The following ADGRB2 variants were observed in gnomAD, a reference collection of about 807,000 sequenced individuals.
ADGRB2 encodes adhesion G protein-coupled receptor B2, also known as brain-specific angiogenesis inhibitor 2.
In ADGRB2, 47 loss-of-function variants were observed where a neutral mutation model predicts 178.7. The ratio of observed to expected loss-of-function variants is 0.26; its 90% CI spans 0.21 to 0.34. ADGRB2 has a LOEUF of 0.34. Among genes scored for constraint, ADGRB2 ranks in the 10% least tolerant of loss-of-function variants. The pLI is 1.00. For missense variants in ADGRB2, 1,584 were observed against 2,180.8 expected (o/e 0.73, Z 5.45); for synonymous variants, 870 against 912.4 (o/e 0.95, Z 0.84).
rs1645357511 is a variant in ADGRB2 at position 31,732,747 on chromosome 1, C to T, written c.3625-135G>A. Reference sequence around the variant, plus strand: ...CATCCAACCTTGGGGAAGGTGATGACACCTGGGCAGGGTGCAACGGGAGGA... The same window carrying T: ...CATCCAACCTTGGGGAAGGTGATGATACCTGGGCAGGGTGCAACGGGAGGA... On this transcript the variant is annotated intron_variant, in intron 26 of 32. Transcript: ENST00000373658. 3 of 1,175,512 alleles carry T rather than the reference C, an allele frequency of 2.6e-6. No individual in the cohort carries two copies. The Admixed American group carries it at 6.2e-5, about 24-fold the overall frequency. 72.8% of individuals were successfully genotyped at this position (1,175,512 alleles called of 1,614,324 possible).
Position 31,727,570 on chromosome 1 carries a change from G to T in ADGRB2, c.4608C>A (p.Ser1536=). Residue 1536 remains serine (S), a synonymous_variant, in exon 33 of 33, where the codon TCC becomes TCA. Coordinates refer to ENST00000373658, the MANE Select transcript of ADGRB2 (RefSeq NM_001364857.2). This position sits in a 1 kb window ranked among gnomAD's most constrained non-coding sequence, Gnocchi z 4.4. ...TCCAGCTCTGATGGCGCCGATGTTG[G>T]GACAAGCTGGGGCGCTCCCCAGGGC... ...KPSPGERPSL[S]QHRRHQSWST... The T allele has an allele frequency of 3.8e-6, 6 of 1,567,710 alleles. No homozygotes were observed. Among genetic ancestry groups the T allele is most frequent in the Non-Finnish European group, 5.2e-6 (6 of 1,163,870 alleles).
In ADGRB2 at chr1:31,742,160, T is replaced by C. The variant is rs1646009195; in HGVS notation, c.1310A>G (p.Asn437Ser). The C allele has an allele frequency of 2.5e-6, 4 of 1,613,350 alleles. No homozygotes were observed. The highest frequency in any genetic ancestry group is 3.4e-6 in the Non-Finnish European group (4 of 1,179,874). The change falls in exon 8 of 33, where the codon AAT (asparagine) becomes AGT (serine). Residue 437 changes from asparagine (N) to serine (S), a missense_variant. Physicochemically the swap from Asn to Ser is conservative, Grantham distance 46 (BLOSUM62 1). Transcript: ENST00000373658. ...PWGPCSTSCA[N>S]GTQQRSRKCS... ...CTTCCGGCTGCGCTGTTGGGTCCCA[T>C]TGGCACAGGACGTGGAGCATGGGCC...
chr1:31,737,713 C>T lies in ADGRB2; in HGVS notation c.2815G>A (p.Gly939Ser), dbSNP rs1165585659. 10 of 1,613,694 alleles carry T rather than the reference C, an allele frequency of 6.2e-6. No homozygotes were observed. The highest frequency in any genetic ancestry group is 1.7e-5 in the Admixed American group (1 of 60,022). ...AGSPSVPLVI[G>S]CAVSCMALLT... ...AGCGCCATGCACGACACTGCACAGC[C>T]GATCACCAGGGGGACCGAGGGGGAG... The change falls in exon 19 of 33, where the codon GGC becomes AGC. Residue 939 changes from glycine to serine, a missense_variant. By Grantham distance (56) the Gly-to-Ser change is moderately conservative. This residue lies in a region of ADGRB2 where 865 missense variants were observed against 1,192.8 expected (regional missense o/e 0.73). Coordinates refer to ENST00000373658, the MANE Select transcript of ADGRB2 (RefSeq NM_001364857.2).
rs1038367036 is a variant in ADGRB2, at chr1:31,757,451, G to T, written c.-130C>A. The T allele has an allele frequency of 1.7e-6, 1 of 595,788 alleles. No individual in the cohort carries two copies. Among genetic ancestry groups the T allele is most frequent in the Non-Finnish European group, 3.0e-6 (1 of 333,346 alleles). 36.9% of individuals were successfully genotyped at this position (595,788 alleles called of 1,614,324 possible). A position where few individuals can be genotyped will look rare whatever the true frequency, so the allele number is the denominator to read the frequency against. On this transcript the variant is annotated 5_prime_UTR_variant, in exon 2 of 33. Coordinates refer to ENST00000373658, the MANE Select transcript of ADGRB2 (RefSeq NM_001364857.2). The stretch of plus-strand genomic sequence containing the variant: ...GTGCCAGGAACTGCGCACAACCTGA[G>T]CCATGCCCACAGGAGGGCACTGTCA...
rs543720715 is a variant in ADGRB2, at chr1:31,753,483, C to T, written c.838+2516G>A. On this transcript the variant is annotated intron_variant, in intron 4 of 32. Transcript: ENST00000373658. The surrounding 1 kb of genome is among the most constrained non-coding windows in gnomAD (Gnocchi z 4.1). ...CCCAAGCCCACCCTGCTAGGCCTCA[C>T]TGTGGATCTTCCTCGGGGGTGTCCC... 6.6e-6 allele frequency among the ~76,000 whole-genome samples: 1 copy of T among 152,358 alleles called. No individual in the cohort carries two copies. The highest frequency in any genetic ancestry group is 2.1e-4 in the South Asian group (1 of 4,832).
Position 31,733,552 on chromosome 1 carries a change from G to A in ADGRB2, c.3453-409C>T, listed in dbSNP as rs1205086923. On this transcript the variant is annotated intron_variant, in intron 25 of 32. Transcript: ENST00000373658. This position sits in a 1 kb window ranked among gnomAD's most constrained non-coding sequence, Gnocchi z 4.3. ...AGGCTGGGGAGGGGGACTGGAAGAG[G>A]GACAAAGCAACAACAACCACAGTGA... 6.6e-6 allele frequency among the ~76,000 whole-genome samples: 1 copy of A among 152,024 alleles called. No individual in the cohort carries two copies. Among genetic ancestry groups the A allele is most frequent in the African/African-American group, 2.4e-5 (1 of 41,302 alleles).
chr1:31,741,247 G>C lies in ADGRB2; in HGVS notation c.1794+126C>G. 1.0e-6 allele frequency: 1 copy of C among 961,506 alleles called. No individual in the cohort carries two copies. The highest frequency in any genetic ancestry group is 1.6e-5 in the South Asian group (1 of 60,758). The allele number at this position is 961,506 out of a possible 1,614,324, so 59.6% of individuals were successfully genotyped here. On this transcript the variant is annotated intron_variant, in intron 11 of 32. Transcript: ENST00000373658. The surrounding 1 kb of genome is among the most constrained non-coding windows in gnomAD (Gnocchi z 6.5). ...AGCTTGCCAGACAAGGAGAGGCACAGCCAGGCAGAAGTGGGCACAGCATAT... is the reference window on the plus strand; with the variant it reads ...AGCTTGCCAGACAAGGAGAGGCACACCCAGGCAGAAGTGGGCACAGCATAT...
rs1371470702 is a variant in ADGRB2 at position 31,727,297 on chromosome 1, G to T, written c.*123C>A. On this transcript the variant is annotated 3_prime_UTR_variant, in exon 33 of 33. Coordinates refer to ENST00000373658, the MANE Select transcript of ADGRB2 (RefSeq NM_001364857.2). The surrounding 1 kb of genome is among the most constrained non-coding windows in gnomAD (Gnocchi z 4.4). ...GCTCCCCCAGCCTGGCTGAGTCCAC[G>T]GCGCCTCCCTGCCCAGCCCTCGGGA... 1 of 1,252,880 alleles carries T rather than the reference G, an allele frequency of 8.0e-7. No individual in the cohort carries two copies. 77.6% of individuals were successfully genotyped at this position (1,252,880 alleles called of 1,614,324 possible).
At chr1:31,731,738 G>T (rs1398685472) in intron 28 of ADGRB2, among the ~76,000 whole-genome samples, 1 of 152,170 alleles carries the variant, frequency 6.6e-6, no homozygotes, top group African/African-American at 2.4e-5. Flanking sequence ...CTGTGCATCA[G>T]CTCCCCAGGA....
At chr1:31,730,761 C>A in intron 29 of ADGRB2, 39 bp downstream of exon 29, 1 of 1,419,550 alleles carries the variant, frequency 7.0e-7, no homozygotes, top group Non-Finnish European at 9.2e-7. Flanking sequence ...GTGATTGACA[C>A]AGTCTCAGAC....
chr1:31,744,384 C>T lies in ADGRB2; in HGVS notation c.923-27G>A, dbSNP rs1324043712. On this transcript the variant is annotated intron_variant, in intron 5 of 32. Coordinates refer to ENST00000373658, the MANE Select transcript of ADGRB2 (RefSeq NM_001364857.2). The surrounding 1 kb of genome is among the most constrained non-coding windows in gnomAD (Gnocchi z 6.7). ...TACGAGAGAGGGACAGCGTCGGCGG[C>T]AGGGGGCACCTCCCAAGCACTCAGT... 2 of 1,546,650 alleles carry T rather than the reference C, an allele frequency of 1.3e-6. No homozygotes were observed. Among genetic ancestry groups the T allele is most frequent in the South Asian group, 2.4e-5 (2 of 83,908 alleles).
At chr1:31,729,487 G>A (rs11803707) in intron 29 of ADGRB2, among the ~76,000 whole-genome samples, 18,143 of 152,064 alleles carry the variant, frequency 0.12, 1,421 homozygotes, top group South Asian at 0.34. Flanking sequence ...CTCTGCCCCG[G>A]CACCTTCTCC....
rs1394967568 is a variant in ADGRB2 at position 31,737,644 on chromosome 1, A to T, written c.2876+8T>A. The T allele has an allele frequency of 6.2e-7, 1 of 1,613,638 alleles. No homozygotes were observed. The highest frequency in any genetic ancestry group is 8.5e-7 in the Non-Finnish European group (1 of 1,179,714). On this transcript the variant is annotated splice_region_variant and intron_variant, in intron 19 of 32. Transcript: ENST00000373658. Reference sequence around the variant, plus strand: ...CCCCCAGCCACAAGAGCCAGGTGTCAGACCTACCTCCAAAAGGCGGCATAG... The same window carrying T: ...CCCCCAGCCACAAGAGCCAGGTGTCTGACCTACCTCCAAAAGGCGGCATAG...
chr1:31,728,022 C>A lies in ADGRB2; in HGVS notation c.4572+3G>T. The A allele has an allele frequency of 6.4e-7, 1 of 1,561,876 alleles. No homozygotes were observed. The highest frequency in any genetic ancestry group is 8.6e-7 in the Non-Finnish European group (1 of 1,158,256). On this transcript the variant is annotated splice_donor_region_variant and intron_variant, in intron 32 of 32. Coordinates refer to ENST00000373658, the MANE Select transcript of ADGRB2 (RefSeq NM_001364857.2). The surrounding 1 kb of genome is among the most constrained non-coding windows in gnomAD (Gnocchi z 6.7). ...TCACCCCACCCAGCCCGGGGGGACT[C>A]ACGGTGCACACGCTCCGCTCGGCTG...
intron 4 of ADGRB2, among the ~76,000 whole-genome samples, chr1:31,748,875 A>C (rs1252809801): frequency 3.3e-5 from 5 of 152,278 alleles, no homozygotes; most frequent in Non-Finnish European, 5.9e-5. Flanking sequence ...TTTCATCCTC[A>C]TCAGGGCTGG....
chr1:31,736,826 C>T (rs1166460638), intron 20 of ADGRB2, 103 bp from the exon 21 acceptor site: 1 of 1,477,878 alleles, frequency 6.8e-7, no homozygotes, highest in Non-Finnish European at 9.0e-7. Context: ...AGCCGCCCAC[C>T]TGAGCCCCGC....
chr1:31,739,443 C>G lies in ADGRB2; in HGVS notation c.2360G>C (p.Arg787Thr). ...GCCAGGAGGCACCGTTCCTGGGCCC[C>G]TCCCCCTGCCAGGGCTGCCTGCTGC... Reference protein sequence around the residue: ...SGAAGSPGRGRGPGTVPPGPG... With the variant: ...SGAAGSPGRGTGPGTVPPGPG... Residue 787 changes from arginine (R) to threonine (T), a missense_variant, in exon 15 of 33, where the codon AGG becomes ACG. Around this residue, in one of 3 missense-constraint regions of ADGRB2, gnomAD observed 865 missense variants for 1,192.8 expected, o/e 0.73. Transcript: ENST00000373658. 6.3e-7 allele frequency: 1 copy of G among 1,594,906 alleles called. No individual in the cohort carries two copies. Among genetic ancestry groups the G allele is most frequent in the Non-Finnish European group, 8.5e-7 (1 of 1,171,156 alleles).
At position 31,740,221 on chromosome 1, in the gene ADGRB2, G is replaced by A. The variant is rs776702616; in HGVS notation, c.1990-43C>T. ...AGTGGCAGGGGGTCCTAGCCCCAGG[G>A]AACAGGGGGCTTCCCCCACTATAGC... On this transcript the variant is annotated intron_variant, in intron 12 of 32. Coordinates refer to ENST00000373658, the MANE Select transcript of ADGRB2 (RefSeq NM_001364857.2). The surrounding 1 kb of genome is among the most constrained non-coding windows in gnomAD (Gnocchi z 5.9). The A allele has an allele frequency of 1.9e-6, 3 of 1,611,390 alleles. No homozygotes were observed. Among genetic ancestry groups the A allele is most frequent in the Admixed American group, 3.3e-5 (2 of 59,958 alleles).
At position 31,745,326 on chromosome 1, in the gene ADGRB2, C is replaced by T. The variant is rs573238175; in HGVS notation, c.839-595G>A. Among the ~76,000 whole-genome samples the T allele has an allele frequency of 2.6e-5, 4 of 152,348 alleles. No homozygotes were observed. The South Asian group carries it at 8.3e-4, about 32-fold the overall frequency. On this transcript the variant is annotated intron_variant, in intron 4 of 32. Coordinates refer to ENST00000373658, the MANE Select transcript of ADGRB2 (RefSeq NM_001364857.2). ...AGGCACAGGTCAGAATGCCACTCCT[C>T]TGAGACCCAAGGGGCCTAGGACAAG...
Sources: allele counts gnomAD v4.1 joint callset (sites outside exome capture counted in the v4.1 genomes callset), GRCh38; gene constraint gnomAD v4.1.1; regional missense constraint gnomAD v4.1.1; non-coding constraint Gnocchi (gnomAD v3.1); transcripts MANE v1.5; gene names NCBI Gene and HGNC (gene_info 2026-07-23, HGNC 2026-07-21).